The following PTPRT variants were observed in gnomAD, a reference collection of about 807,000 sequenced individuals.
PTPRT encodes the protein receptor-type tyrosine-protein phosphatase T.
A neutral mutation model predicts 176.8 loss-of-function variants in PTPRT; 56 were observed. That is an observed-to-expected ratio of 0.32 (90% CI 0.26 to 0.40). The LOEUF is 0.40. Ranked by LOEUF, PTPRT falls within the 10% of genes least tolerant of loss-of-function variation. The probability of loss-of-function intolerance (pLI) is 1.00; values close to 1 mark genes in which losing one functional copy is unlikely to be tolerated. For synonymous variants in PTPRT, 783 were observed against 739.0 expected (o/e 1.06, Z -0.96); for missense variants, 1,540 against 1,908.2 (o/e 0.81, Z 3.60).
At chr20:43,033,015 G>T (rs1001901151) in intron 1 of PTPRT, among the ~76,000 whole-genome samples, 2 of 152,202 alleles carry the variant, frequency 1.3e-5, no homozygotes, top group Non-Finnish European at 2.9e-5. Context: ...CTCTAGCAGT[G>T]TGTGTGTCTG....
intron 2 of PTPRT, among the ~76,000 whole-genome samples, chr20:42,820,209 A>G (rs915500672): frequency 6.6e-6 from 1 of 152,152 alleles, no homozygotes; most frequent in Non-Finnish European, 1.5e-5. Flanking sequence ...TAAAATGATA[A>G]CAAACAGTCT....
At chr20:42,585,734 G>A (rs1197405746) in intron 7 of PTPRT, among the ~76,000 whole-genome samples, 4 of 152,062 alleles carry the variant, frequency 2.6e-5, no homozygotes, top group African/African-American at 7.2e-5. Flanking sequence ...AAATTTACCT[G>A]TAGATTGCTT....
At chr20:42,961,876 G>C (rs73101908) in intron 1 of PTPRT, among the ~76,000 whole-genome samples, 1 of 152,156 alleles carries the variant, frequency 6.6e-6, no homozygotes, top group Admixed American at 6.5e-5. Context: ...GTGAAGGAGC[G>C]GGGCGGGAGG....
At chr20:43,148,506 C>G (rs2014241792) in intron 1 of PTPRT, among the ~76,000 whole-genome samples, 1 of 152,300 alleles carries the variant, frequency 6.6e-6, no homozygotes, top group Middle Eastern at 3.4e-3. Context: ...AATGGATGCA[C>G]ACAGCATGTG....
At chr20:42,958,784 C>T (rs151249389) in intron 1 of PTPRT, among the ~76,000 whole-genome samples, 1 of 152,232 alleles carries the variant, frequency 6.6e-6, no homozygotes, top group African/African-American at 2.4e-5. Flanking sequence ...GATGTATTGT[C>T]ACCCAACCCT....
At chr20:42,742,898 C>T (rs1243696579) in intron 6 of PTPRT, among the ~76,000 whole-genome samples, 5 of 152,134 alleles carry the variant, frequency 3.3e-5, no homozygotes, top group Non-Finnish European at 7.3e-5. Context: ...CAAGAATGAA[C>T]CCCAGGTTTG....
At chr20:42,842,154 C>A (rs1171753726) in intron 2 of PTPRT, among the ~76,000 whole-genome samples, 5 of 152,196 alleles carry the variant, frequency 3.3e-5, no homozygotes, top group African/African-American at 1.2e-4. Context: ...TCTCCAACAG[C>A]AGCCTGGTTT....
chr20:42,769,021 T>C (rs1191701103), intron 5 of PTPRT, among the ~76,000 whole-genome samples: 2 of 152,202 alleles, frequency 1.3e-5, no homozygotes, highest in African/African-American at 4.8e-5. Context: ...GCAATGCCAT[T>C]GAAATCACAC....
intron 6 of PTPRT, chr20:42,686,149 G>A (rs1337363124): frequency 6.6e-6 from 1 of 152,128 alleles, no homozygotes; most frequent in East Asian, 1.9e-4. Flanking sequence ...TCTCCATAGT[G>A]ACAACACAAA....
intron 1 of PTPRT, among the ~76,000 whole-genome samples, chr20:43,056,395 G>A (rs957361183): frequency 2.6e-5 from 4 of 152,292 alleles, no homozygotes; most frequent in East Asian, 1.9e-4. Flanking sequence ...ACTTCTGGGC[G>A]TGACCCATGC....
intron 11 of PTPRT, among the ~76,000 whole-genome samples, chr20:42,347,287 T>C (rs1455297954): frequency 6.6e-6 from 1 of 152,228 alleles, no homozygotes; most frequent in Non-Finnish European, 1.5e-5. Flanking sequence ...CTTAACCCAG[T>C]GCATCTAGTG....
chr20:42,743,762 T>C (rs1479407559), intron 6 of PTPRT, among the ~76,000 whole-genome samples: 1 of 152,218 alleles, frequency 6.6e-6, no homozygotes, highest in Non-Finnish European at 1.5e-5. Context: ...GTGAGCATAC[T>C]GAACCTCATC....
At chr20:42,978,744 G>A (rs1983104572) in intron 1 of PTPRT, among the ~76,000 whole-genome samples, 1 of 152,172 alleles carries the variant, frequency 6.6e-6, no homozygotes, top group African/African-American at 2.4e-5. Flanking sequence ...GTGACCTCTG[G>A]TCATCCTCAC....
At chr20:42,715,218 A>G (rs1375569555) in intron 6 of PTPRT, among the ~76,000 whole-genome samples, 1 of 152,198 alleles carries the variant, frequency 6.6e-6, no homozygotes, top group Non-Finnish European at 1.5e-5. Flanking sequence ...ATTTAAGTCC[A>G]ATCAATATAA....
intron 9 of PTPRT, among the ~76,000 whole-genome samples, chr20:42,358,614 G>C (rs1040525949): frequency 6.6e-6 from 1 of 152,192 alleles, no homozygotes; most frequent in Admixed American, 6.5e-5. Flanking sequence ...GGCATGACAG[G>C]AGATGGTGGA....
At chr20:42,691,461 T>G in intron 6 of PTPRT, among the ~76,000 whole-genome samples, 1 of 152,166 alleles carries the variant, frequency 6.6e-6, no homozygotes, top group East Asian at 1.9e-4. Context: ...TGTAAGCTGC[T>G]GAAATGGCTA....
chr20:42,284,550 T>C (rs989307786), intron 12 of PTPRT, among the ~76,000 whole-genome samples: 8 of 152,110 alleles, frequency 5.3e-5, no homozygotes, highest in East Asian at 1.9e-4. Flanking sequence ...TGACATGTAC[T>C]AGATTCCTTC....
chr20:43,158,764 C>T (rs1366088468), intron 1 of PTPRT, among the ~76,000 whole-genome samples: 2 of 152,128 alleles, frequency 1.3e-5, no homozygotes, highest in African/African-American at 4.8e-5. Flanking sequence ...GAGCAGTGAA[C>T]ATGGAGTCAG....
chr20:42,357,540 G>T (rs1055340437), intron 9 of PTPRT, among the ~76,000 whole-genome samples: 7 of 152,154 alleles, frequency 4.6e-5, no homozygotes, highest in Admixed American at 3.9e-4. Context: ...ATGTTGCAGA[G>T]TGACCCCCAT....
Sources: allele counts gnomAD v4.1 joint callset (sites outside exome capture counted in the v4.1 genomes callset), GRCh38; gene constraint gnomAD v4.1.1; transcripts MANE v1.5; gene names NCBI Gene and HGNC (gene_info 2026-07-23, HGNC 2026-07-21).